Variants in EIF3H observed in about 807,000 individuals in gnomAD.
EIF3H encodes eukaryotic translation initiation factor 3 subunit H, also known as eIF-3-gamma.
In EIF3H, 26 loss-of-function variants were observed where a neutral mutation model predicts 44.2. That is an observed-to-expected ratio of 0.59 (90% confidence interval 0.43 to 0.82). EIF3H has a LOEUF of 0.82. EIF3H is among the 40% of genes least tolerant of loss of function. EIF3H has a pLI of 0.00. For synonymous variants in EIF3H, 166 were observed against 151.9 expected (o/e 1.09, Z -0.68); for missense variants, 359 against 432.8 (o/e 0.83, Z 1.51).
chr8:116,733,861 T>C (rs1814989683), intron 1 of EIF3H, among the ~76,000 whole-genome samples: 1 of 152,212 alleles, frequency 6.6e-6, no homozygotes, highest in Admixed American at 6.5e-5. Context: ...AATATTAGAA[T>C]GACAATGTTT....
chr8:116,643,920 A>G lies in EIF3H; in HGVS notation c.*1086T>C, dbSNP rs1020152849. On this transcript the variant is annotated 3_prime_UTR_variant, in exon 8 of 8. Coordinates refer to ENST00000521861, the MANE Select transcript of EIF3H (RefSeq NM_003756.3). ...CTGTGATTATCTTTAAAATATAAAAATTACTAAAATATGTTTTTCCCAATG... is the reference window on the plus strand; with the variant it reads ...CTGTGATTATCTTTAAAATATAAAAGTTACTAAAATATGTTTTTCCCAATG... The G allele has an allele frequency of 4.6e-5, 7 of 152,176 alleles. No individual in the cohort carries two copies. The highest frequency in any genetic ancestry group is 1.7e-4 in the African/African-American group (7 of 41,442). 9.4% of individuals were successfully genotyped at this position (152,176 alleles called of 1,614,324 possible). A position where few individuals can be genotyped will look rare whatever the true frequency, so the allele number is the denominator to read the frequency against.
chr8:116,740,311 T>TA (rs1815108546), intron 1 of EIF3H, among the ~76,000 whole-genome samples: 1 of 152,158 alleles, frequency 6.6e-6, no homozygotes, highest in Non-Finnish European at 1.5e-5. Flanking sequence ...ACCAAGCACT[T>TA]ATGTAACTGT....
chr8:116,729,231 A>T (rs1465770718), intron 1 of EIF3H, among the ~76,000 whole-genome samples: 1 of 152,216 alleles, frequency 6.6e-6, no homozygotes, highest in African/African-American at 2.4e-5. Context: ...TCTAGAAGTG[A>T]TTCCTAAACA....
At chr8:116,719,340 C>T (rs571001712) in intron 2 of EIF3H, among the ~76,000 whole-genome samples, 42 of 152,154 alleles carry the variant, frequency 2.8e-4, no homozygotes, top group African/African-American at 9.4e-4. Flanking sequence ...TGTCATCTCA[C>T]CAACTTCTTA....
intron 1 of EIF3H, among the ~76,000 whole-genome samples, chr8:116,746,391 T>C (rs994697101): frequency 1.3e-5 from 2 of 152,234 alleles, no homozygotes; most frequent in African/African-American, 4.8e-5. Context: ...GGGATAATGA[T>C]GGTTCCTATA....
At chr8:116,755,286 A>G (rs1815420780) in intron 1 of EIF3H, among the ~76,000 whole-genome samples, 1 of 152,206 alleles carries the variant, frequency 6.6e-6, no homozygotes, top group Non-Finnish European at 1.5e-5. Context: ...GCAGGGAATC[A>G]GTGGAGTTTC....
chr8:116,730,704 C>A (rs1456430284), intron 1 of EIF3H, among the ~76,000 whole-genome samples: 1 of 152,050 alleles, frequency 6.6e-6, no homozygotes, highest in Non-Finnish European at 1.5e-5. Context: ...CGTGAATGTT[C>A]CCATAAAAAT....
intron 2 of EIF3H, among the ~76,000 whole-genome samples, chr8:116,701,640 T>C (rs1814376613): frequency 6.6e-6 from 1 of 152,210 alleles, no homozygotes; most frequent in Non-Finnish European, 1.5e-5. Context: ...AATTCACTTG[T>C]ATAATTCCCC....
chr8:116,670,386 C>A (rs181559373), intron 2 of EIF3H, among the ~76,000 whole-genome samples: 1 of 152,170 alleles, frequency 6.6e-6, no homozygotes, highest in Non-Finnish European at 1.5e-5. Context: ...CAAAGATACA[C>A]TATCAGGACA....
chr8:116,671,028 A>T (rs1368162589), intron 2 of EIF3H, among the ~76,000 whole-genome samples: 1 of 152,238 alleles, frequency 6.6e-6, no homozygotes, highest in Non-Finnish European at 1.5e-5. Context: ...TACAAAACAG[A>T]TCAAATAATT....
chr8:116,647,667 T>C (rs892170214), intron 6 of EIF3H, among the ~76,000 whole-genome samples: 1 of 152,172 alleles, frequency 6.6e-6, no homozygotes, highest in African/African-American at 2.4e-5. Context: ...GAAACCAAGC[T>C]GGGCTAGTAA....
Position 116,646,580 on chromosome 8 carries a change from C to G in EIF3H, c.852G>C (p.Glu284Asp). Residue 284 changes from glutamate to aspartate, a missense_variant, in exon 7 of 8, where the codon GAG becomes GAC. By Grantham distance (45) the Glu-to-Asp change is conservative (BLOSUM62 2). Transcript: ENST00000521861. The part of the protein sequence containing the change: ...KHQYQQRRQQ[E>D]NMQRQSRGEP... ...CTCCTCGGCTCTGGCGCTGCATATT[C>G]TCCTGCTGGCGACGCTGCTGATACT... 1 of 1,614,082 alleles carries G rather than the reference C, an allele frequency of 6.2e-7. No homozygotes were observed. The highest frequency in any genetic ancestry group is 8.5e-7 in the Non-Finnish European group (1 of 1,179,990).
intron 2 of EIF3H, among the ~76,000 whole-genome samples, chr8:116,718,515 TA>T (rs1008938213): frequency 2.0e-5 from 3 of 152,054 alleles, no homozygotes; most frequent in African/African-American, 7.3e-5. Flanking sequence ...GTTGCATATA[TA>T]TATATATTAT....
chr8:116,668,838 A>C (rs1449736044), intron 2 of EIF3H, among the ~76,000 whole-genome samples: 1 of 152,186 alleles, frequency 6.6e-6, no homozygotes, highest in African/African-American at 2.4e-5. Flanking sequence ...CCTCAGGAAG[A>C]GCTCAAACCC....
intron 2 of EIF3H, among the ~76,000 whole-genome samples, chr8:116,724,734 AGAT>A (rs1215774352): frequency 2.6e-5 from 4 of 152,232 alleles, no homozygotes; most frequent in Non-Finnish European, 5.9e-5. Context: ...AACCACAATG[AGAT>A]GATCACCTCA....
At chr8:116,691,696 G>A (rs991032667) in intron 2 of EIF3H, among the ~76,000 whole-genome samples, 4 of 152,032 alleles carry the variant, frequency 2.6e-5, no homozygotes, top group Admixed American at 6.6e-5. Context: ...ACAACATGGC[G>A]AAAGCCCGTC....
Position 116,644,647 on chromosome 8 carries a change from G to C in EIF3H, c.*359C>G, listed in dbSNP as rs1335780332. ...GCCAGGGCCTCGGGGTCAGGAGCTG[G>C]GATAAGTAGTTGGGAGAAGTGGGTT... On this transcript the variant is annotated 3_prime_UTR_variant, in exon 8 of 8. Coordinates refer to ENST00000521861, the MANE Select transcript of EIF3H (RefSeq NM_003756.3). The C allele has an allele frequency of 9.5e-5, 18 of 190,174 alleles. No individual in the cohort carries two copies. The highest frequency in any genetic ancestry group is 1.1e-5 in the Non-Finnish European group (1 of 93,048). 11.8% of individuals were successfully genotyped at this position (190,174 alleles called of 1,614,324 possible). A position where few individuals can be genotyped will look rare whatever the true frequency, so the allele number is the denominator to read the frequency against.
At chr8:116,737,721 T>G (rs1321578029) in intron 1 of EIF3H, 1 of 152,874 alleles carries the variant, frequency 6.5e-6, no homozygotes, top group African/African-American at 2.4e-5. Context: ...ATTACCTACA[T>G]GCAGTTACGT....
chr8:116,670,093 T>A (rs1813728477), intron 2 of EIF3H, among the ~76,000 whole-genome samples: 1 of 152,216 alleles, frequency 6.6e-6, no homozygotes, highest in Non-Finnish European at 1.5e-5. Context: ...AACCCAGGAA[T>A]CCTTATCCTG....
Sources: gnomAD v4.1 joint callset for allele counts (sites outside exome capture counted in the v4.1 genomes callset) on GRCh38, gnomAD v4.1.1 for gene constraint, MANE v1.5 for transcripts, NCBI Gene and HGNC (gene_info 2026-07-23, HGNC 2026-07-21) for gene names.